The following NSD1 variants were observed in gnomAD, a reference collection of about 807,000 sequenced individuals.
NSD1 encodes the protein nuclear receptor binding SET domain protein 1, also known as histone-lysine N-methyltransferase, H3 lysine-36 specific.
In NSD1, 26 loss-of-function variants were observed where a neutral mutation model predicts 242.7. The ratio of observed to expected loss-of-function variants is 0.11; its 90% CI spans 0.08 to 0.15. The LOEUF is 0.15. Among genes scored for constraint, NSD1 ranks in the 10% least tolerant of loss-of-function variants. The pLI is 1.00. For synonymous variants in NSD1, 1,106 were observed against 1,178.1 expected (o/e 0.94, Z 1.25); for missense variants, 2,495 against 3,272.8 (o/e 0.76, Z 5.80).
intron 13 of NSD1, 30 bp from the exon 14 acceptor site, chr5:177,259,958 CT>C: frequency 6.2e-7 from 1 of 1,613,374 alleles, no homozygotes; most frequent in Non-Finnish European, 8.5e-7. Flanking sequence ...TTTTGTTTTT[CT>C]TTTGCTTGTC....
intron 2 of NSD1, among the ~76,000 whole-genome samples, chr5:177,185,567 CA>C (rs1323741193): frequency 6.7e-6 from 1 of 148,734 alleles, no homozygotes; most frequent in Non-Finnish European, 1.5e-5. Flanking sequence ...CATTGCACTC[CA>C]GCCTGGGGGA....
At position 177,294,647 on chromosome 5, in the gene NSD1, G is replaced by T; in HGVS notation, c.7279G>T (p.Ala2427Ser). 6.2e-7 allele frequency: 1 copy of T among 1,614,214 alleles called. No individual in the cohort carries two copies. The highest frequency in any genetic ancestry group is 8.5e-7 in the Non-Finnish European group (1 of 1,180,044). ...CCCACCTCCTGAGAAAGTACTATCAGCTGTGGTCCAGACCCTTGTAGCTAA... is the reference window on the plus strand; with the variant it reads ...CCCACCTCCTGAGAAAGTACTATCATCTGTGGTCCAGACCCTTGTAGCTAA... ...RLPPPEKVLS[A>S]VVQTLVAKEK... Residue 2427 changes from alanine to serine, a missense_variant, in exon 23 of 23, where the codon GCT becomes TCT. By Grantham distance (99) the Ala-to-Ser change is moderately conservative (BLOSUM62 1). Around this residue, in one of 19 missense-constraint regions of NSD1, gnomAD observed 475 missense variants for 563.7 expected, o/e 0.84. Coordinates refer to ENST00000439151, the MANE Select transcript of NSD1 (RefSeq NM_022455.5).
chr5:177,265,883 G>A (rs1757396797), intron 14 of NSD1: 2 of 1,476,210 alleles, frequency 1.4e-6, no homozygotes, highest in Non-Finnish European at 1.9e-6. Flanking sequence ...CAGGCAGAAC[G>A]GGGAGGTGAA....
chr5:177,223,772 C>T (rs1031930601), intron 5 of NSD1, among the ~76,000 whole-genome samples: 2 of 152,082 alleles, frequency 1.3e-5, no homozygotes, highest in Admixed American at 6.6e-5. Context: ...CACCTGAGAT[C>T]AGGAGTTCTA....
rs754265990 is a variant in NSD1 at position 177,239,836 on chromosome 5, A to C, written c.4273A>C (p.Lys1425Gln). ...SNDLDPGFMPKKGDLGLSKKC... is the reference protein window; with the variant it reads ...SNDLDPGFMPQKGDLGLSKKC... ...TGATTTAGACCCTGGATTTATGCCC[A>C]AGAAGGGGGACCTTGGCCTTTCTAA... The change falls in exon 8 of 23, where the codon AAG becomes CAG. Residue 1425 changes from lysine (K) to glutamine (Q), a missense_variant. Lys to Gln is a moderately conservative substitution (Grantham distance 53). Transcript: ENST00000439151. The C allele has an allele frequency of 1.2e-6, 2 of 1,611,646 alleles. No homozygotes were observed. Among genetic ancestry groups the C allele is most frequent in the Admixed American group, 3.3e-5 (2 of 60,000 alleles).
chr5:177,150,236 C>T (rs1026111339), intron 2 of NSD1, among the ~76,000 whole-genome samples: 4 of 151,890 alleles, frequency 2.6e-5, no homozygotes, highest in South Asian at 2.1e-4. Context: ...CGAGCTCAAG[C>T]GATTCTCCTG....
Position 177,211,518 on chromosome 5 carries a change from A to C in NSD1, c.3119A>C (p.Lys1040Thr), listed in dbSNP as rs1378753430. 1 of 1,614,166 alleles carries C rather than the reference A, an allele frequency of 6.2e-7. No individual in the cohort carries two copies. Among genetic ancestry groups the C allele is most frequent in the African/African-American group, 1.3e-5 (1 of 75,054 alleles). The change falls in exon 5 of 23, where the codon AAG (lysine) becomes ACG (threonine). Residue 1040 changes from lysine to threonine, a missense_variant. This residue lies in a region of NSD1 where 426 missense variants were observed against 411.4 expected (regional missense o/e 1.04). Transcript: ENST00000439151. Reference protein sequence around the residue: ...LRDAFSAQMVKNTVNRKALKT... With the variant: ...LRDAFSAQMVTNTVNRKALKT... ...GATGCTTTTTCAGCCCAAATGGTAA[A>C]GAACACAGTGAACCGTAAAGCCTTA... is the stretch of plus-strand genomic sequence containing the variant.
At chr5:177,197,626 AATAAATAAAACAGAACAATT>A (rs1162386707) in intron 3 of NSD1, among the ~76,000 whole-genome samples, 8 of 152,238 alleles carry the variant, frequency 5.3e-5, no homozygotes, top group African/African-American at 1.9e-4. Context: ...CATCTCAAAA[AATAAATAAAACAGAACAATT>A]ACACTGTAAT....
chr5:177,210,619 C>G lies in NSD1; in HGVS notation c.2220C>G (p.His740Gln). The part of the protein sequence containing the change: ...LSDLKASTLV[H>Q]KPQSDFTNDA... ...ATCTGAAGGCATCTACTCTTGTTCA[C>G]AAACCCCAGTCAGATTTTACAAATG... is the stretch of plus-strand genomic sequence containing the variant. Residue 740 changes from histidine (H) to glutamine (Q), a missense_variant, in exon 5 of 23, where the codon CAC becomes CAG. Around this residue, in one of 19 missense-constraint regions of NSD1, gnomAD observed 515 missense variants for 467.0 expected, o/e 1.10. Transcript: ENST00000439151. 3 of 1,614,156 alleles carry G rather than the reference C, an allele frequency of 1.9e-6. No homozygotes were observed. Among genetic ancestry groups the G allele is most frequent in the Non-Finnish European group, 2.5e-6 (3 of 1,180,034 alleles).
At chr5:177,293,266 G>T (rs1167425782) in intron 22 of NSD1, among the ~76,000 whole-genome samples, 1 of 152,150 alleles carries the variant, frequency 6.6e-6, no homozygotes, top group Non-Finnish European at 1.5e-5. Flanking sequence ...TCAGCTTTGG[G>T]TCTTTTCTAC....
Position 177,239,866 on chromosome 5 carries a change from G to A in NSD1, c.4302+1G>A, listed in dbSNP as rs1562246533. 6.4e-7 allele frequency: 1 copy of A among 1,565,430 alleles called. No individual in the cohort carries two copies. Among genetic ancestry groups the A allele is most frequent in the Non-Finnish European group, 8.8e-7 (1 of 1,136,750 alleles). On this transcript the variant is annotated splice_donor_variant, in intron 8 of 22. Coordinates refer to ENST00000439151, the MANE Select transcript of NSD1 (RefSeq NM_022455.5). LOFTEE classifies it high-confidence loss of function. ...GGGGGACCTTGGCCTTTCTAAAAAG[G>A]TATGTTATTTTTGTAAGTTCTAAAA...
At position 177,211,734 on chromosome 5, in the gene NSD1, G is replaced by A. The variant is rs901175981; in HGVS notation, c.3335G>A (p.Ser1112Asn). ...GDHFSDVHFD[S>N]KVKQSDPGKI... ...CATTTTTCTGATGTGCATTTCGATA[G>A]CAAGGTTAAGCAATCTGATCCTGGT... Residue 1112 changes from serine (S) to asparagine (N), a missense_variant, in exon 5 of 23, where the codon AGC becomes AAC. Coordinates refer to ENST00000439151, the MANE Select transcript of NSD1 (RefSeq NM_022455.5). The A allele has an allele frequency of 3.7e-6, 6 of 1,613,970 alleles. No homozygotes were observed. In the African/African-American group the frequency reaches 6.7e-5, roughly 18 times the overall value.
At chr5:177,257,450 C>T (rs1309279342) in intron 13 of NSD1, among the ~76,000 whole-genome samples, 1 of 152,048 alleles carries the variant, frequency 6.6e-6, no homozygotes, top group East Asian at 1.9e-4. Flanking sequence ...CCAGGATGGT[C>T]TCGATCTCCT....
intron 2 of NSD1, among the ~76,000 whole-genome samples, chr5:177,168,980 G>T (rs1581189796): frequency 6.6e-6 from 1 of 152,222 alleles, no homozygotes; most frequent in East Asian, 1.9e-4. Context: ...CATTGTTTGT[G>T]CAACGTGTAG....
At chr5:177,197,748 C>T (rs1271518680) in intron 3 of NSD1, among the ~76,000 whole-genome samples, 3 of 152,188 alleles carry the variant, frequency 2.0e-5, no homozygotes, top group Admixed American at 1.3e-4. Flanking sequence ...TGAAGTCTCA[C>T]GTGAGCTGGG....
At chr5:177,280,927 A>G in intron 18 of NSD1, 93 bp downstream of exon 18, 1 of 1,345,794 alleles carries the variant, frequency 7.4e-7, no homozygotes, top group Non-Finnish European at 1.1e-6. Context: ...CATAGAAGAA[A>G]ATAACACAGT....
At chr5:177,158,293 CTTTCTTTCTTT>C (rs1758352018) in intron 2 of NSD1, among the ~76,000 whole-genome samples, 1 of 77,674 alleles carries the variant, frequency 1.3e-5, no homozygotes, top group African/African-American at 4.7e-5. Context: ...TTCTTTCTTT[CTTTCTTTCTTT>C]TCTTTCTTTT....
Position 177,136,532 on chromosome 5 carries a change from T to G in NSD1, c.927+502T>G, listed in dbSNP as rs191162543. ...TTCTTGGACATTGTCAAAATCTAAA[T>G]TAGGCTAGTTTTTCTGAACTACCTG... is the stretch of plus-strand genomic sequence containing the variant. On this transcript the variant is annotated intron_variant, in intron 2 of 22. Coordinates refer to ENST00000439151, the MANE Select transcript of NSD1 (RefSeq NM_022455.5). Among the ~76,000 whole-genome samples the G allele has an allele frequency of 7.9e-5, 12 of 152,272 alleles. No homozygotes were observed. In the East Asian group the frequency reaches 2.3e-3, roughly 29 times the overall value.
intron 3 of NSD1, among the ~76,000 whole-genome samples, chr5:177,194,328 C>T (rs1006758964): frequency 3.3e-5 from 5 of 151,780 alleles, no homozygotes; most frequent in African/African-American, 7.3e-5. Context: ...GGCATAACAA[C>T]GCCTCACTGA....
Sources: gnomAD v4.1 joint callset for allele counts (sites outside exome capture counted in the v4.1 genomes callset) on GRCh38, gnomAD v4.1.1 for gene constraint, gnomAD v4.1.1 regional missense constraint, MANE v1.5 for transcripts, NCBI Gene and HGNC (gene_info 2026-07-23, HGNC 2026-07-21) for gene names.